CADM1: variants seen among roughly 807,000 people sequenced by gnomAD.
The protein encoded by CADM1 is TSLC-1.
Under a neutral mutation model 53.1 loss-of-function variants are expected in CADM1, and 15 were observed. The ratio of observed to expected loss-of-function variants is 0.28; its 90% CI spans 0.19 to 0.44. The LOEUF (loss-of-function observed/expected upper bound fraction) is 0.44. Among genes scored for constraint, CADM1 ranks in the 20% least tolerant of loss-of-function variants. CADM1 has a pLI of 1.00. For missense variants in CADM1, 434 were observed against 611.3 expected (o/e 0.71, Z 3.06); for synonymous variants, 281 against 243.0 (o/e 1.16, Z -1.45).
chr11:115,440,791 T>A (rs544873959), intron 1 of CADM1, among the ~76,000 whole-genome samples: 1 of 152,270 alleles, frequency 6.6e-6, no homozygotes, highest in South Asian at 2.1e-4. Context: ...TTATTTTTAT[T>A]TTTTTAAGAT....
chr11:115,259,060 A>T (rs2135009359), intron 1 of CADM1, among the ~76,000 whole-genome samples: 1 of 152,020 alleles, frequency 6.6e-6, no homozygotes, highest in South Asian at 2.1e-4. Context: ...ATCTTGGCTT[A>T]CTACAACCTC....
intron 1 of CADM1, among the ~76,000 whole-genome samples, chr11:115,332,062 G>T (rs1945145924): frequency 1.3e-5 from 2 of 152,166 alleles, no homozygotes; most frequent in Admixed American, 1.3e-4. Flanking sequence ...AAGAACCTGA[G>T]TTGGAAATTC....
chr11:115,498,512 G>A (rs1949668706), intron 1 of CADM1, among the ~76,000 whole-genome samples: 1 of 152,170 alleles, frequency 6.6e-6, no homozygotes, highest in Admixed American at 6.5e-5. Flanking sequence ...TCCAGCGCAC[G>A]CCACAGTTGA....
At chr11:115,282,506 A>C (rs1943614721) in intron 1 of CADM1, among the ~76,000 whole-genome samples, 1 of 152,222 alleles carries the variant, frequency 6.6e-6, no homozygotes. Flanking sequence ...TTGGGTTCAC[A>C]ATCACCAGTG....
intron 1 of CADM1, among the ~76,000 whole-genome samples, chr11:115,242,653 G>C (rs557132917): frequency 6.6e-6 from 1 of 152,276 alleles, no homozygotes; most frequent in South Asian, 2.1e-4. Context: ...GAGTAGACAA[G>C]AATACCAAAC....
chr11:115,281,487 A>AT (rs752740129), intron 1 of CADM1, among the ~76,000 whole-genome samples: 3 of 152,136 alleles, frequency 2.0e-5, no homozygotes, highest in African/African-American at 7.2e-5. Context: ...TTTTTTAACC[A>AT]TTTTTCTATT....
At position 115,503,561 on chromosome 11, in the gene CADM1, G is replaced by GC. The variant is rs912938053; in HGVS notation, c.124+709dup. 4.0e-3 allele frequency among the ~76,000 whole-genome samples: 601 copies of GC among 151,516 alleles called. 6 individuals are homozygous for GC. Among genetic ancestry groups the GC allele is most frequent in the African/African-American group, 0.012 (516 of 41,382 alleles). On this transcript the variant is annotated intron_variant, in intron 1 of 11. Coordinates refer to ENST00000331581, the MANE Select transcript of CADM1 (RefSeq NM_001301043.2). Reference sequence around the variant, plus strand: ...TCCCGCAGAGGCGGCGACAGCGGCCGCCCCCCCCGCGGGGCCGGGCCGGGG... The same window carrying GC: ...TCCCGCAGAGGCGGCGACAGCGGCCGCCCCCCCCCGCGGGGCCGGGCCGGGG...
At chr11:115,481,568 C>T (rs1949257953) in intron 1 of CADM1, among the ~76,000 whole-genome samples, 1 of 152,176 alleles carries the variant, frequency 6.6e-6, no homozygotes, top group African/African-American at 2.4e-5. Flanking sequence ...CAGAGTGCTG[C>T]TAGGTATCTT....
At chr11:115,495,033 A>C (rs1401475554) in intron 1 of CADM1, among the ~76,000 whole-genome samples, 1 of 152,240 alleles carries the variant, frequency 6.6e-6, no homozygotes, top group Non-Finnish European at 1.5e-5. Flanking sequence ...AAGTTTGCTC[A>C]CAAGATATGT....
intron 1 of CADM1, among the ~76,000 whole-genome samples, chr11:115,343,835 C>T (rs939346919): frequency 6.6e-6 from 1 of 151,930 alleles, no homozygotes; most frequent in Middle Eastern, 3.5e-3. Flanking sequence ...TTGGGCAAAA[C>T]TTTAACGCTT....
chr11:115,280,232 C>T (rs183038876), intron 1 of CADM1, among the ~76,000 whole-genome samples: 367 of 152,270 alleles, frequency 2.4e-3, no homozygotes, highest in Non-Finnish European at 3.6e-3. Flanking sequence ...AACAAATATA[C>T]CATCTTTTCT....
intron 1 of CADM1, among the ~76,000 whole-genome samples, chr11:115,300,726 GA>G (rs1944198071): frequency 6.6e-6 from 1 of 152,024 alleles, no homozygotes; most frequent in South Asian, 2.1e-4. Flanking sequence ...AAGACAACAA[GA>G]AAACGAGCAC....
chr11:115,489,621 A>T (rs543704966), intron 1 of CADM1, among the ~76,000 whole-genome samples: 1 of 152,316 alleles, frequency 6.6e-6, no homozygotes, highest in African/African-American at 2.4e-5. Flanking sequence ...CGTGGAAGGT[A>T]TGAGGATAGG....
intron 1 of CADM1, among the ~76,000 whole-genome samples, chr11:115,422,872 G>A (rs373834060): frequency 3.3e-5 from 5 of 152,100 alleles, no homozygotes; most frequent in South Asian, 2.1e-4. Context: ...ACTCAGAAAC[G>A]GAAGATTTTC....
intron 3 of CADM1, among the ~76,000 whole-genome samples, chr11:115,232,178 G>A (rs996526099): frequency 6.6e-5 from 10 of 152,110 alleles, no homozygotes; most frequent in African/African-American, 2.4e-4. Flanking sequence ...CCAGAAAGCA[G>A]TATTTCTCCT....
intron 1 of CADM1, among the ~76,000 whole-genome samples, chr11:115,348,424 T>C (rs992951182): frequency 6.6e-6 from 1 of 152,210 alleles, no homozygotes; most frequent in Non-Finnish European, 1.5e-5. Flanking sequence ...CCAATTCTCC[T>C]AAAGATTAGC....
chr11:115,391,645 C>A (rs1946839043), intron 1 of CADM1, among the ~76,000 whole-genome samples: 1 of 152,122 alleles, frequency 6.6e-6, no homozygotes, highest in Admixed American at 6.5e-5. Flanking sequence ...CAAAACAAAA[C>A]AACACTAGCA....
chr11:115,421,664 T>G (rs1384424021), intron 1 of CADM1, among the ~76,000 whole-genome samples: 6 of 152,138 alleles, frequency 3.9e-5, no homozygotes, highest in African/African-American at 1.4e-4. Context: ...TAAATAAAAG[T>G]TCAGTTTCTA....
intron 1 of CADM1, among the ~76,000 whole-genome samples, chr11:115,439,324 T>C (rs372323853): frequency 6.6e-6 from 1 of 152,168 alleles, no homozygotes; most frequent in South Asian, 2.1e-4. Context: ...AGAGCCTAGA[T>C]AGGTGTCCAT....
Sources: allele counts gnomAD v4.1 joint callset (sites outside exome capture counted in the v4.1 genomes callset), GRCh38; gene constraint gnomAD v4.1.1; transcripts MANE v1.5; gene names NCBI Gene and HGNC (gene_info 2026-07-23, HGNC 2026-07-21).